C6orf89: variants seen among roughly 807,000 people sequenced by gnomAD.
C6orf89 encodes the protein chromosome 6 open reading frame 89.
A neutral mutation model predicts 40.7 loss-of-function variants in C6orf89; 29 were observed. The ratio of observed to expected loss-of-function variants is 0.71; its 90% CI spans 0.53 to 0.97. The LOEUF (loss-of-function observed/expected upper bound fraction) is 0.97. Among genes scored for constraint, C6orf89 ranks in the 50% least tolerant of loss-of-function variants. The probability of loss-of-function intolerance (pLI) is 0.00; values close to 1 mark genes in which losing one functional copy is unlikely to be tolerated. For synonymous variants in C6orf89, 165 were observed against 152.2 expected, an observed-to-expected ratio of 1.08 and a Z score of -0.62; for missense variants, 392 against 429.1, an observed-to-expected ratio of 0.91 and a Z score of 0.76.
At chr6:36,914,741 G>C in intron 6 of C6orf89, 48 bp downstream of exon 6, 1 of 1,595,426 alleles carries the variant, frequency 6.3e-7, no homozygotes. Flanking sequence ...TGTGATCCCA[G>C]CACTTTGGGA....
chr6:36,879,266 G>A (rs1440961829), intron 2 of C6orf89: 2 of 152,222 alleles, frequency 1.3e-5, no homozygotes, highest in East Asian at 3.8e-4. Context: ...GGGCCCATCT[G>A]AGGGCAAATA....
At chr6:36,919,449 T>C in intron 7 of C6orf89, 129 bp from the exon 8 acceptor site, 1 of 1,162,316 alleles carries the variant, frequency 8.6e-7, no homozygotes, top group Non-Finnish European at 1.2e-6. Context: ...TGTTATTGGT[T>C]CTATTTCCTC....
chr6:36,885,384 C>A (rs922324682), upstream of C6orf89, among the ~76,000 whole-genome samples: 1 of 152,144 alleles, frequency 6.6e-6, no homozygotes, highest in Admixed American at 6.5e-5. Context: ...ATGAGGCACC[C>A]TGGGAGTCTG....
At position 36,914,618 on chromosome 6, in the gene C6orf89, A is replaced by G. The variant is rs772344949; in HGVS notation, c.620A>G (p.Glu207Gly). The G allele has an allele frequency of 3.1e-5, 50 of 1,614,124 alleles. No homozygotes were observed. The highest frequency in any genetic ancestry group is 4.2e-5 in the Non-Finnish European group (50 of 1,180,058). The change falls in exon 6 of 9, where the codon GAA becomes GGA. Residue 207 changes from glutamate (E) to glycine (G), a missense_variant. Coordinates refer to ENST00000480824, the MANE Select transcript of C6orf89 (RefSeq NM_001286635.2). ...TTGTGCCAGTACCCTGAGGCGACAGAAGGCTTCTCTGAAGGGTTTTTCGCC... is the reference window on the plus strand; with the variant it reads ...TTGTGCCAGTACCCTGAGGCGACAGGAGGCTTCTCTGAAGGGTTTTTCGCC... ...HFLCQYPEAT[E>G]GFSEGFFAKW...
chr6:36,883,735 A>T (rs963789834), upstream of C6orf89, among the ~76,000 whole-genome samples: 4 of 152,378 alleles, frequency 2.6e-5, no homozygotes, highest in Admixed American at 2.6e-4. Context: ...TTCTAGAAAG[A>T]CATCCATTTG....
In C6orf89 at chr6:36,910,708, C is replaced by T. The variant is rs1179607399; in HGVS notation, c.404-3576C>T. Reference sequence around the variant, plus strand: ...TGCCACTGTACTCCAGCCTGGGCGACAGAGCAAGACCCTGTCTCTAAAAAA... The same window carrying T: ...TGCCACTGTACTCCAGCCTGGGCGATAGAGCAAGACCCTGTCTCTAAAAAA... On this transcript the variant is annotated intron_variant, in intron 4 of 8. Coordinates refer to ENST00000480824, the MANE Select transcript of C6orf89 (RefSeq NM_001286635.2). Among the ~76,000 whole-genome samples, 4 of 149,574 alleles carry T rather than the reference C, an allele frequency of 2.7e-5. No individual in the cohort carries two copies. The East Asian group carries it at 7.8e-4, about 29-fold the overall frequency.
intron 4 of C6orf89, among the ~76,000 whole-genome samples, chr6:36,907,416 A>G (rs1360715639): frequency 1.3e-5 from 2 of 152,158 alleles, no homozygotes; most frequent in Non-Finnish European, 2.9e-5. Flanking sequence ...TTTCTTGTAA[A>G]TAACTCTCAG....
At chr6:36,889,706 T>C (rs1775126396) in intron 1 of C6orf89, among the ~76,000 whole-genome samples, 1 of 152,216 alleles carries the variant, frequency 6.6e-6, no homozygotes, top group Admixed American at 6.5e-5. Context: ...AATAGCTATA[T>C]GATCTTTTTA....
upstream of C6orf89, among the ~76,000 whole-genome samples, chr6:36,882,719 TTTTTTTTC>T (rs1561854518): frequency 6.1e-5 from 7 of 115,168 alleles, no homozygotes; most frequent in South Asian, 2.8e-4. Flanking sequence ...TTTTCTTTTT[TTTTTTTTC>T]TTTTTTCTTT....
chr6:36,875,494 A>G (rs1774628217), intron 1 of C6orf89, among the ~76,000 whole-genome samples: 2 of 152,266 alleles, frequency 1.3e-5, no homozygotes, highest in South Asian at 4.1e-4. Flanking sequence ...GAGCAAGAAC[A>G]AGGCTTAACA....
chr6:36,922,296 C>T (rs868394672), intron 8 of C6orf89, among the ~76,000 whole-genome samples: 3 of 151,412 alleles, frequency 2.0e-5, no homozygotes, highest in African/African-American at 4.9e-5. Context: ...GCCGAGATTG[C>T]GCCATTGCAC....
rs1006600142 is a variant in C6orf89 at position 36,919,834 on chromosome 6, A to G, written c.949+133A>G. 9 of 924,642 alleles carry G rather than the reference A, an allele frequency of 9.7e-6. No individual in the cohort carries two copies. In the African/African-American group the frequency reaches 1.5e-4, roughly 15 times the overall value. 57.3% of individuals were successfully genotyped at this position (924,642 alleles called of 1,614,324 possible). A position where few individuals can be genotyped will look rare whatever the true frequency, so the allele number is the denominator to read the frequency against. ...TCAAAAATAACATTCTCCTGTTAAC[A>G]GGCTCAATATTTATGCTTAGAAATG... On this transcript the variant is annotated intron_variant, in intron 8 of 8. Transcript: ENST00000480824.
chr6:36,918,072 A>G (rs1762388736), intron 7 of C6orf89, among the ~76,000 whole-genome samples: 1 of 152,050 alleles, frequency 6.6e-6, no homozygotes, highest in Non-Finnish European at 1.5e-5. Flanking sequence ...CCTGTTGTCC[A>G]CATCCCTGGG....
intron 1 of C6orf89, among the ~76,000 whole-genome samples, chr6:36,893,471 A>G (rs1189376915): frequency 3.9e-5 from 6 of 152,192 alleles, no homozygotes; most frequent in African/African-American, 1.4e-4. Context: ...TACCTTTCTG[A>G]TAACTTGAGA....
upstream of C6orf89, chr6:36,885,891 T>C (rs577351765): frequency 2.2e-5 from 15 of 668,620 alleles, no homozygotes; most frequent in African/African-American, 4.9e-5. Flanking sequence ...GAGGAATTAC[T>C]CTAGGGTACA....
chr6:36,920,841 G>A (rs1423375058), intron 8 of C6orf89, among the ~76,000 whole-genome samples: 1 of 152,096 alleles, frequency 6.6e-6, no homozygotes, highest in African/African-American at 2.4e-5. Context: ...ATGTGGTTGT[G>A]CTTGAACAAG....
upstream of C6orf89, among the ~76,000 whole-genome samples, chr6:36,884,433 G>A (rs548743843): frequency 7.9e-5 from 12 of 152,052 alleles, no homozygotes; most frequent in Admixed American, 3.3e-4. The surrounding 1 kb of genome is among the most constrained non-coding windows in gnomAD (Gnocchi z 4.0). Context: ...GCTATTATCC[G>A]CCCGATAATG....
rs376810354 is a variant in C6orf89, at chr6:36,919,623, A to G, written c.871A>G (p.Met291Val). 1.2e-6 allele frequency: 2 copies of G among 1,613,972 alleles called. No homozygotes were observed. The highest frequency in any genetic ancestry group is 1.7e-5 in the Admixed American group (1 of 59,996). Reference sequence around the variant, plus strand: ...ATTTATCATTGGCAGCGGTGAGGCCATGTTGCAGCTCATCCCTCCCTTCCA... The same window carrying G: ...ATTTATCATTGGCAGCGGTGAGGCCGTGTTGCAGCTCATCCCTCCCTTCCA... Reference protein sequence around the residue: ...DLFIIGSGEAMLQLIPPFQCR... With the variant: ...DLFIIGSGEAVLQLIPPFQCR... The change falls in exon 8 of 9, where the codon ATG (methionine) becomes GTG (valine). Residue 291 changes from methionine (M) to valine (V), a missense_variant. By Grantham distance (21) the Met-to-Val change is conservative. Coordinates refer to ENST00000480824, the MANE Select transcript of C6orf89 (RefSeq NM_001286635.2).
chr6:36,887,425 C>T (rs1775036018), intron 1 of C6orf89, among the ~76,000 whole-genome samples: 2 of 152,152 alleles, frequency 1.3e-5, no homozygotes, highest in Admixed American at 6.5e-5. Context: ...TGTGTTTTCT[C>T]CATTTATCTC....
Sources: allele counts gnomAD v4.1 joint callset (sites outside exome capture counted in the v4.1 genomes callset), GRCh38; gene constraint gnomAD v4.1.1; non-coding constraint Gnocchi (gnomAD v3.1); transcripts MANE v1.5; gene names NCBI Gene and HGNC (gene_info 2026-07-23, HGNC 2026-07-21).